TNRC18: variants seen among roughly 807,000 people sequenced by gnomAD.
The protein encoded by TNRC18 is trinucleotide repeat-containing gene 18 protein.
TNRC18 carries 69 observed loss-of-function variants against 226.7 expected under a neutral mutation model. The observed-to-expected ratio is 0.30, with a 90% CI of 0.25 to 0.37. The LOEUF is 0.37. Ranked by LOEUF, TNRC18 falls within the 10% of genes least tolerant of loss-of-function variation. The pLI, the probability that TNRC18 is intolerant of heterozygous loss-of-function variation, is 1.00. For missense variants in TNRC18, 4,754 were observed against 4,256.6 expected, an observed-to-expected ratio of 1.12 and a Z score of -3.25; for synonymous variants, 2,449 against 1,927.6, an observed-to-expected ratio of 1.27 and a Z score of -7.09.
chr7:5,372,315 G>T (rs1245491386), intron 10 of TNRC18, among the ~76,000 whole-genome samples: 1 of 151,064 alleles, frequency 6.6e-6, no homozygotes, highest in Non-Finnish European at 1.5e-5. Context: ...CTGACCTCGT[G>T]ATCCGCCCGC....
chr7:5,357,415 T>C (rs1792556538), intron 15 of TNRC18, 139 bp from the exon 16 acceptor site: 2 of 981,652 alleles, frequency 2.0e-6, no homozygotes, highest in Non-Finnish European at 2.9e-6. Context: ...CGCATATATA[T>C]TTATTTTTTT....
intron 11 of TNRC18, among the ~76,000 whole-genome samples, chr7:5,368,322 A>AC (rs1471561321): frequency 1.3e-5 from 2 of 150,560 alleles, no homozygotes; most frequent in Admixed American, 1.3e-4. Flanking sequence ...AAAAAAAAAA[A>AC]AAAATTAAAA....
At chr7:5,360,875 A>C (rs183034969) in intron 14 of TNRC18, among the ~76,000 whole-genome samples, 1 of 152,160 alleles carries the variant, frequency 6.6e-6, no homozygotes, top group Non-Finnish European at 1.5e-5. Context: ...TGCCCTCCGA[A>C]GGTCCCCCCA....
At chr7:5,421,749 G>A (rs1387617088) in intron 1 of TNRC18, among the ~76,000 whole-genome samples, 1 of 152,178 alleles carries the variant, frequency 6.6e-6, no homozygotes, top group African/African-American at 2.4e-5. Flanking sequence ...GCCCCAGCCC[G>A]GACTCTGCCT....
At position 5,359,566 on chromosome 7, in the gene TNRC18, C is replaced by A; in HGVS notation, c.4665G>T (p.Leu1555=). ...RGKSGHSSGK[L]SSKSLLTSDD... The stretch of plus-strand genomic sequence containing the variant: ...CTGATGTCAGCAGAGACTTGCTGCT[C>A]AGCCTGAAACGCAGACACACTGCCG... The change falls in exon 15 of 30, where the codon CTG becomes CTT. Residue 1555 remains leucine (L), a synonymous_variant. Transcript: ENST00000430969. 1 of 1,613,750 alleles carries A rather than the reference C, an allele frequency of 6.2e-7. No homozygotes were observed. The highest frequency in any genetic ancestry group is 8.5e-7 in the Non-Finnish European group (1 of 1,179,884).
In TNRC18 at chr7:5,351,977, G is replaced by A. The variant is rs1323318172; in HGVS notation, c.5312C>T (p.Ala1771Val). The A allele has an allele frequency of 5.6e-6, 9 of 1,613,980 alleles. No homozygotes were observed. Among genetic ancestry groups the A allele is most frequent in the Non-Finnish European group, 7.6e-6 (9 of 1,179,884 alleles). Residue 1771 changes from alanine (A) to valine (V), a missense_variant, in exon 17 of 30, where the codon GCA becomes GTA. By Grantham distance (64) the Ala-to-Val change is moderately conservative. Transcript: ENST00000430969. Reference sequence around the variant, plus strand: ...CTTGGTCAGCTTGGGGCCACCAGCTGCCTTGCTGTTCTTTGCCACCATGCT... The same window carrying A: ...CTTGGTCAGCTTGGGGCCACCAGCTACCTTGCTGTTCTTTGCCACCATGCT... ...LCSMVAKNSK[A>V]AGGPKLTKRG...
rs764486236 is a variant in TNRC18 at position 5,359,518 on chromosome 7, C to T, written c.4713G>A (p.Gly1571=). Residue 1571 remains glycine (G), a synonymous_variant, in exon 15 of 30, where the codon GGG becomes GGA. Coordinates refer to ENST00000430969, the MANE Select transcript of TNRC18 (RefSeq NM_001080495.3). ...CAGACCCCTTGTGTCTCTTTCTTATCCCTGCTCCCAGCTCATAATCATCTG... is the reference window on the plus strand; with the variant it reads ...CAGACCCCTTGTGTCTCTTTCTTATTCCTGCTCCCAGCTCATAATCATCTG... The part of the protein sequence containing the change: ...LTSDDYELGA[G]IRKRHKGSEE... 4 of 1,613,896 alleles carry T rather than the reference C, an allele frequency of 2.5e-6. No individual in the cohort carries two copies. Among genetic ancestry groups the T allele is most frequent in the East Asian group, 2.2e-5 (1 of 44,892 alleles).
At chr7:5,417,082 G>C (rs1782238977) in intron 2 of TNRC18, among the ~76,000 whole-genome samples, 1 of 152,086 alleles carries the variant, frequency 6.6e-6, no homozygotes, top group Non-Finnish European at 1.5e-5. Flanking sequence ...AGGAGGCCAG[G>C]AGTTTGAGGC....
At chr7:5,338,397 AAAAT>A (rs541007832) in intron 18 of TNRC18, among the ~76,000 whole-genome samples, 1 of 152,084 alleles carries the variant, frequency 6.6e-6, no homozygotes, top group Non-Finnish European at 1.5e-5. Context: ...AATAACAAAC[AAAAT>A]AGACTTTTTA....
intron 18 of TNRC18, among the ~76,000 whole-genome samples, chr7:5,345,304 G>A (rs1370930204): frequency 2.0e-5 from 3 of 152,192 alleles, no homozygotes; most frequent in Non-Finnish European, 4.4e-5. Context: ...CCCAAAACAG[G>A]GCTGTGTTTG....
At chr7:5,316,992 C>T (rs1205853278) in intron 24 of TNRC18, among the ~76,000 whole-genome samples, 1 of 152,100 alleles carries the variant, frequency 6.6e-6, no homozygotes, top group Admixed American at 6.6e-5. Context: ...CTGAAAGACA[C>T]TGAGCGCAGG....
In TNRC18 at chr7:5,309,529, G is replaced by A. The variant is rs1298031987; in HGVS notation, c.8389-161C>T. Among the ~76,000 whole-genome samples the A allele has an allele frequency of 6.6e-6, 1 of 152,262 alleles. No homozygotes were observed. Among genetic ancestry groups the A allele is most frequent in the African/African-American group, 2.4e-5 (1 of 41,476 alleles). The stretch of plus-strand genomic sequence containing the variant: ...AGCTCCTTGTCTCGCTTCAAGTGGG[G>A]AAGCCCCTCTTCCATCTCTTTGACA... On this transcript the variant is annotated intron_variant, in intron 27 of 29. Coordinates refer to ENST00000430969, the MANE Select transcript of TNRC18 (RefSeq NM_001080495.3). This position sits in a 1 kb window ranked among gnomAD's most constrained non-coding sequence, Gnocchi z 5.7.
intron 5 of TNRC18, among the ~76,000 whole-genome samples, chr7:5,378,957 G>C (rs915154963): frequency 2.6e-5 from 4 of 151,850 alleles, no homozygotes; most frequent in African/African-American, 7.3e-5. Flanking sequence ...GGCCGGGTGG[G>C]GGGGGCGGGG....
chr7:5,405,441 C>T (rs553350386), intron 2 of TNRC18, among the ~76,000 whole-genome samples: 2 of 152,096 alleles, frequency 1.3e-5, no homozygotes, highest in African/African-American at 4.8e-5. Flanking sequence ...TGGTGGTGCG[C>T]ACCTGTAATC....
rs949447518 is a variant in TNRC18, at chr7:5,315,809, T to A, written c.6862+147A>T. The A allele has an allele frequency of 6.9e-6, 4 of 581,158 alleles. No individual in the cohort carries two copies. The African/African-American group carries it at 7.8e-5, about 11-fold the overall frequency. The allele number at this position is 581,158 out of a possible 1,614,324, so 36.0% of individuals were successfully genotyped here. On this transcript the variant is annotated intron_variant, in intron 25 of 29. Transcript: ENST00000430969. ...CCCAGGACCTAGGAGCCCTGAGATC[T>A]CACGGGAGCCCACCCATGGCTTCTG...
chr7:5,408,545 G>A (rs1288130574), intron 2 of TNRC18, among the ~76,000 whole-genome samples: 2 of 152,034 alleles, frequency 1.3e-5, no homozygotes, highest in Non-Finnish European at 2.9e-5. Flanking sequence ...GGCTGAGGCA[G>A]GAGAATCGCT....
chr7:5,316,106 C>T (rs750442551), intron 24 of TNRC18, 34 bp from the exon 25 acceptor site: 10 of 1,543,922 alleles, frequency 6.5e-6, no homozygotes, highest in Middle Eastern at 1.8e-4. Context: ...GGGAGGCCCT[C>T]GGACCTCCAG....
intron 17 of TNRC18, among the ~76,000 whole-genome samples, chr7:5,348,782 G>C (rs939375211): frequency 2.6e-5 from 4 of 152,150 alleles, no homozygotes; most frequent in African/African-American, 4.8e-5. Context: ...GGCGGGGGCA[G>C]GCAGGCAGGC....
In TNRC18 at chr7:5,313,573, C is replaced by A. The variant is rs1583731425; in HGVS notation, c.7318G>T (p.Ala2440Ser). 6.2e-7 allele frequency: 1 copy of A among 1,605,510 alleles called. No individual in the cohort carries two copies. Among genetic ancestry groups the A allele is most frequent in the Non-Finnish European group, 8.5e-7 (1 of 1,176,690 alleles). Residue 2440 changes from alanine to serine, a missense_variant, in exon 27 of 30, where the codon GCG becomes TCG. Physicochemically the swap from Ala to Ser is moderately conservative, Grantham distance 99. Transcript: ENST00000430969. ...GCACCCGACTCCTCGGCTGCCCGCG[C>A]CTTCTTGGGCTTGGGGCGTGTGGCA... Reference protein sequence around the residue: ...MPATRPKPKKARAAEESGAKG... With the variant: ...MPATRPKPKKSRAAEESGAKG...
Sources: allele counts gnomAD v4.1 joint callset (sites outside exome capture counted in the v4.1 genomes callset), GRCh38; gene constraint gnomAD v4.1.1; non-coding constraint Gnocchi (gnomAD v3.1); transcripts MANE v1.5; gene names NCBI Gene and HGNC (gene_info 2026-07-23, HGNC 2026-07-21).